Variants in HMCN1 observed in about 807,000 individuals in gnomAD.
HMCN1 encodes hemicentin-1.
In HMCN1, 321 loss-of-function variants were observed where a neutral mutation model predicts 625.9. The observed-to-expected ratio is 0.51, with a 90% CI of 0.47 to 0.56. The LOEUF (loss-of-function observed/expected upper bound fraction) is 0.56, where lower values mean the gene tolerates loss of function less well. Ranked by LOEUF, HMCN1 falls within the 20% of genes least tolerant of loss-of-function variation. The pLI is 0.00. For missense variants in HMCN1, 6,588 were observed against 6,887.3 expected (o/e 0.96, Z 1.54); for synonymous variants, 2,425 against 2,417.6 (o/e 1.00, Z -0.09).
At chr1:185,964,704 GT>G (rs1159088655) in intron 13 of HMCN1, among the ~76,000 whole-genome samples, 1 of 152,030 alleles carries the variant, frequency 6.6e-6, no homozygotes, top group East Asian at 1.9e-4. Context: ...ACAGTGGGAG[GT>G]TGGCAGAGGG....
chr1:185,920,972 C>T (rs374416342), intron 6 of HMCN1, among the ~76,000 whole-genome samples: 2 of 152,142 alleles, frequency 1.3e-5, no homozygotes, highest in East Asian at 3.9e-4. Flanking sequence ...TTCACTAAAG[C>T]TCTACATTAT....
At chr1:185,981,326 GCACA>G (rs58305455) in intron 17 of HMCN1, among the ~76,000 whole-genome samples, 4,662 of 147,828 alleles carry the variant, frequency 0.032, 245 homozygotes, top group African/African-American at 0.11. Context: ...ATACACACAT[GCACA>G]CACACACACA....
intron 1 of HMCN1, among the ~76,000 whole-genome samples, chr1:185,794,633 A>C (rs1322726778): frequency 2.0e-5 from 1 of 49,720 alleles, no homozygotes; most frequent in Non-Finnish European, 3.6e-5. Context: ...TGCCTGCTTT[A>C]TATTCTAGCT....
chr1:185,791,085 T>C (rs1362339385), intron 1 of HMCN1, among the ~76,000 whole-genome samples: 2 of 152,204 alleles, frequency 1.3e-5, no homozygotes, highest in African/African-American at 4.8e-5. Context: ...TGGATTCAGC[T>C]TAGACTTAAA....
intron 4 of HMCN1, among the ~76,000 whole-genome samples, chr1:185,886,119 C>A (rs1664630161): frequency 6.6e-6 from 1 of 151,960 alleles, no homozygotes; most frequent in Non-Finnish European, 1.5e-5. Flanking sequence ...ATCTCTCTCT[C>A]TTTTTTCTGC....
intron 1 of HMCN1, among the ~76,000 whole-genome samples, chr1:185,771,793 G>T (rs775877300): frequency 6.6e-6 from 1 of 152,160 alleles, no homozygotes; most frequent in African/African-American, 2.4e-5. Context: ...TGTTGATACA[G>T]ATAGAGGTAA....
At chr1:185,777,626 A>T (rs1656711352) in intron 1 of HMCN1, among the ~76,000 whole-genome samples, 1 of 151,866 alleles carries the variant, frequency 6.6e-6, no homozygotes, top group African/African-American at 2.4e-5. Flanking sequence ...TAATTTTTGT[A>T]TTTTTAGTAG....
rs1372879581 is a variant in HMCN1 at position 185,924,048 on chromosome 1, T to C, written c.1285+395T>C. 3.9e-5 allele frequency among the ~76,000 whole-genome samples: 6 copies of C among 152,148 alleles called. No individual in the cohort carries two copies. The East Asian group carries it at 1.2e-3, about 29-fold the overall frequency. On this transcript the variant is annotated intron_variant, in intron 8 of 106. Transcript: ENST00000271588. ...GTAGTTCATAGTAAACAACAGGTGA[T>C]CACTGCCTTTATTTGTCTAGTTGAT...
intron 1 of HMCN1, among the ~76,000 whole-genome samples, chr1:185,749,925 C>A (rs1654681033): frequency 6.6e-6 from 1 of 152,204 alleles, no homozygotes. Context: ...TTCCTCAGAT[C>A]CTTGATTCGC....
intron 89 of HMCN1, among the ~76,000 whole-genome samples, chr1:186,142,416 G>A (rs1275873456): frequency 3.3e-5 from 5 of 152,068 alleles, no homozygotes; most frequent in Non-Finnish European, 4.4e-5. Flanking sequence ...ACTGTTGTTG[G>A]GTGTTTTGGT....
intron 85 of HMCN1, 52 bp downstream of exon 85, chr1:186,130,749 C>A: frequency 6.8e-7 from 1 of 1,479,888 alleles, no homozygotes; most frequent in Non-Finnish European, 9.4e-7. Flanking sequence ...CAGCCAATAC[C>A]CCTCTGTGAG....
intron 11 of HMCN1, among the ~76,000 whole-genome samples, chr1:185,951,575 G>A (rs1446450195): frequency 3.3e-5 from 5 of 151,506 alleles, no homozygotes; most frequent in Admixed American, 6.6e-5. Context: ...CCGCTAAGCC[G>A]AGAAGATCTG....
At chr1:186,123,917 T>C (rs1240400174) in intron 81 of HMCN1, among the ~76,000 whole-genome samples, 1 of 152,120 alleles carries the variant, frequency 6.6e-6, no homozygotes, top group Non-Finnish European at 1.5e-5. Flanking sequence ...TTCAAGTGTA[T>C]TTTAATTTTC....
Position 186,088,276 on chromosome 1 carries a change from G to A in HMCN1, c.9577G>A (p.Glu3193Lys), listed in dbSNP as rs781123882. ...IAWLKNHKRI[E>K]NSDSLEVRIL... Reference sequence around the variant, plus strand: ...ATGGTTAAAGAACCACAAGCGCATAGGTAAGGCAACCATGCATTTTTGTGT... The same window carrying A: ...ATGGTTAAAGAACCACAAGCGCATAAGTAAGGCAACCATGCATTTTTGTGT... Residue 3193 changes from glutamate (E) to lysine (K), a missense_variant and splice_region_variant, in exon 62 of 107, where the codon GAA becomes AAA. This residue lies in a region of HMCN1 where 4,628 missense variants were observed against 4,853.1 expected (regional missense o/e 0.95). Coordinates refer to ENST00000271588, the MANE Select transcript of HMCN1 (RefSeq NM_031935.3). 2 of 1,612,538 alleles carry A rather than the reference G, an allele frequency of 1.2e-6. No homozygotes were observed. Among genetic ancestry groups the A allele is most frequent in the South Asian group, 1.1e-5 (1 of 91,038 alleles).
In HMCN1 at chr1:186,087,284, C is replaced by G. The variant is rs1000928198; in HGVS notation, c.9114C>G (p.Ile3038Met). Residue 3038 changes from isoleucine (I) to methionine (M), a missense_variant, in exon 59 of 107, where the codon ATC becomes ATG. By Grantham distance (10) the Ile-to-Met change is conservative. Transcript: ENST00000271588. ...SDGGEYTCIA[I>M]NQAGESKKKF... is the part of the protein sequence containing the mutation. Reference sequence around the variant, plus strand: ...GTGGTGAATACACTTGTATAGCTATCAATCAAGCTGGCGAAAGCAAGAAAA... The same window carrying G: ...GTGGTGAATACACTTGTATAGCTATGAATCAAGCTGGCGAAAGCAAGAAAA... 6.2e-7 allele frequency: 1 copy of G among 1,613,264 alleles called. No homozygotes were observed. Among genetic ancestry groups the G allele is most frequent in the Non-Finnish European group, 8.5e-7 (1 of 1,179,432 alleles).
In HMCN1 at chr1:186,082,893, G is replaced by T; in HGVS notation, c.8816G>T (p.Gly2939Val). The part of the protein sequence containing the change: ...QILNTQITDI[G>V]RYVCVAENTA... ...CTGAATACTCAAATAACAGATATCG[G>T]CAGGTATGTGTGTGTTGCTGAGAAC... Residue 2939 changes from glycine to valine, a missense_variant, in exon 57 of 107, where the codon GGC becomes GTC. By Grantham distance (109) the Gly-to-Val change is moderately radical. This residue lies in a region of HMCN1 where 4,628 missense variants were observed against 4,853.1 expected (regional missense o/e 0.95). Coordinates refer to ENST00000271588, the MANE Select transcript of HMCN1 (RefSeq NM_031935.3). 2 of 1,588,150 alleles carry T rather than the reference G, an allele frequency of 1.3e-6. No homozygotes were observed. Among genetic ancestry groups the T allele is most frequent in the Non-Finnish European group, 1.7e-6 (2 of 1,165,728 alleles).
intron 9 of HMCN1, among the ~76,000 whole-genome samples, chr1:185,925,611 G>A (rs1223808569): frequency 2.0e-5 from 3 of 152,198 alleles, no homozygotes; most frequent in Admixed American, 6.5e-5. Context: ...GATTTAAAGT[G>A]TTATGATAAG....
chr1:185,736,590 T>C (rs1279098519), intron 1 of HMCN1, among the ~76,000 whole-genome samples: 1 of 152,226 alleles, frequency 6.6e-6, no homozygotes, highest in East Asian at 1.9e-4. Flanking sequence ...TCTTATGAAA[T>C]TATATTGCTG....
chr1:185,883,300 T>G (rs1333710966), intron 4 of HMCN1, among the ~76,000 whole-genome samples: 1 of 152,030 alleles, frequency 6.6e-6, no homozygotes, highest in East Asian at 1.9e-4. Flanking sequence ...CAAAATGCAT[T>G]CATATTAAGT....
Sources: allele counts gnomAD v4.1 joint callset (sites outside exome capture counted in the v4.1 genomes callset), GRCh38; gene constraint gnomAD v4.1.1; regional missense constraint gnomAD v4.1.1; transcripts MANE v1.5; gene names NCBI Gene and HGNC (gene_info 2026-07-23, HGNC 2026-07-21).